MANBA: variants seen among roughly 807,000 people sequenced by gnomAD.
MANBA encodes the protein mannosidase beta.
A neutral mutation model predicts 111.1 loss-of-function variants in MANBA; 83 were observed. That is an observed-to-expected ratio of 0.75 (90% CI 0.63 to 0.90). The LOEUF is 0.90. Ranked by LOEUF, MANBA falls within the 40% of genes least tolerant of loss-of-function variation. The pLI, the probability that MANBA is intolerant of heterozygous loss-of-function variation, is 0.00. For synonymous variants in MANBA, 370 were observed against 378.7 expected (o/e 0.98, Z 0.27); for missense variants, 1,036 against 1,069.0 (o/e 0.97, Z 0.43).
intron 7 of MANBA, among the ~76,000 whole-genome samples, chr4:102,686,316 CT>C (rs968149348): frequency 2.6e-5 from 4 of 152,116 alleles, no homozygotes; most frequent in African/African-American, 9.7e-5. Context: ...TCCACTGTAG[CT>C]TTCCCCCCTT....
chr4:102,710,195 A>C (rs1215840508), intron 5 of MANBA, among the ~76,000 whole-genome samples: 3 of 152,148 alleles, frequency 2.0e-5, no homozygotes, highest in African/African-American at 4.8e-5. Context: ...AAAAGGTACC[A>C]AATTGGAAAA....
At chr4:102,738,144 T>A (rs1723284989) in intron 1 of MANBA, among the ~76,000 whole-genome samples, 1 of 152,100 alleles carries the variant, frequency 6.6e-6, no homozygotes, top group Non-Finnish European at 1.5e-5. Flanking sequence ...ACCAATCAAC[T>A]CAAACTGATA....
intron 12 of MANBA, 162 bp from the exon 13 acceptor site, chr4:102,650,863 C>T: frequency 1.6e-6 from 1 of 635,774 alleles, no homozygotes; most frequent in African/African-American, 1.8e-5. Flanking sequence ...CTACTTGTTG[C>T]CAGTGAAGGA....
intron 5 of MANBA, among the ~76,000 whole-genome samples, chr4:102,713,872 G>T (rs1722199150): frequency 6.7e-6 from 1 of 149,552 alleles, no homozygotes; most frequent in South Asian, 2.1e-4. Flanking sequence ...CTCCAGGCTG[G>T]GCAACAAGAG....
At chr4:102,715,052 C>T (rs1722267182) in intron 4 of MANBA, among the ~76,000 whole-genome samples, 1 of 152,158 alleles carries the variant, frequency 6.6e-6, no homozygotes, top group African/African-American at 2.4e-5. Context: ...CCCCAACCAC[C>T]ATACACAGCC....
At chr4:102,680,154 T>C (rs1391655916) in intron 7 of MANBA, among the ~76,000 whole-genome samples, 1 of 152,214 alleles carries the variant, frequency 6.6e-6, no homozygotes, top group Non-Finnish European at 1.5e-5. Context: ...AATTTGATTC[T>C]TTTTTCTATG....
chr4:102,679,380 T>C (rs1731863720), intron 7 of MANBA, among the ~76,000 whole-genome samples: 1 of 152,146 alleles, frequency 6.6e-6, no homozygotes, highest in African/African-American at 2.4e-5. Flanking sequence ...TGAATAATGA[T>C]AATGTCCAGA....
chr4:102,660,567 C>T (rs1057376859), intron 11 of MANBA, among the ~76,000 whole-genome samples: 6 of 151,762 alleles, frequency 4.0e-5, no homozygotes, highest in Non-Finnish European at 7.4e-5. Flanking sequence ...ATAAGCCTCC[C>T]GCCTCAGCTT....
chr4:102,752,446 C>T (rs1257269234), intron 1 of MANBA: 2 of 793,642 alleles, frequency 2.5e-6, no homozygotes, highest in African/African-American at 3.4e-5. Flanking sequence ...TACCCATGAA[C>T]AGCAACTGAT....
intron 5 of MANBA, among the ~76,000 whole-genome samples, chr4:102,703,683 C>A (rs1183029858): frequency 1.3e-5 from 2 of 152,154 alleles, no homozygotes; most frequent in African/African-American, 4.8e-5. Flanking sequence ...GTTCTGCCAT[C>A]CCACTCAGGA....
At position 102,723,065 on chromosome 4, in the gene MANBA, C is replaced by T. The variant is rs374403355; in HGVS notation, c.379-24G>A. ...CTCTAAGTTAAAGGGAACAATCAGA[C>T]AAACCCATGATGTGGAAGTAGTCTT... On this transcript the variant is annotated intron_variant, in intron 3 of 16. Transcript: ENST00000647097. The T allele has an allele frequency of 7.5e-6, 12 of 1,605,702 alleles. No homozygotes were observed. The African/African-American group carries it at 8.0e-5, about 11-fold the overall frequency.
chr4:102,661,340 G>A (rs1162514200), intron 11 of MANBA, among the ~76,000 whole-genome samples: 3 of 152,006 alleles, frequency 2.0e-5, no homozygotes, highest in African/African-American at 7.2e-5. Context: ...AACTGCCCAA[G>A]GTCTGATAAT....
chr4:102,663,791 T>A (rs1731076902), intron 11 of MANBA, among the ~76,000 whole-genome samples: 1 of 152,228 alleles, frequency 6.6e-6, no homozygotes, highest in Non-Finnish European at 1.5e-5. Flanking sequence ...AACAAAGTTT[T>A]TCAAAAGTTA....
intron 1 of MANBA, among the ~76,000 whole-genome samples, chr4:102,732,058 C>G (rs1403749646): frequency 6.6e-6 from 1 of 152,172 alleles, no homozygotes; most frequent in Non-Finnish European, 1.5e-5. Context: ...CAGGCATGCA[C>G]CACCACACCT....
chr4:102,749,562 C>G (rs566933753), intron 1 of MANBA, among the ~76,000 whole-genome samples: 2 of 152,212 alleles, frequency 1.3e-5, no homozygotes. Context: ...CATTTGTTTA[C>G]TATTTACTGT....
Position 102,687,582 on chromosome 4 carries a change from C to T in MANBA, c.960+1992G>A, listed in dbSNP as rs1732277640. ...AGTCCTTGGGCCTTCACGTTCTTTT[C>T]CCTCCGCCTCTTTGCTACATTACTT... is the stretch of plus-strand genomic sequence containing the variant. On this transcript the variant is annotated intron_variant, in intron 7 of 16. Coordinates refer to ENST00000647097, the MANE Select transcript of MANBA (RefSeq NM_005908.4). 2.6e-5 allele frequency among the ~76,000 whole-genome samples: 4 copies of T among 152,250 alleles called. No individual in the cohort carries two copies. The South Asian group carries it at 8.3e-4, about 32-fold the overall frequency.
intron 1 of MANBA, chr4:102,729,285 G>A (rs1377492905): frequency 1.3e-5 from 10 of 752,912 alleles, no homozygotes; most frequent in African/African-American, 5.1e-5. Flanking sequence ...GGTCATCCTC[G>A]TGCTTCCCAG....
chr4:102,702,514 G>A (rs1733106476), intron 5 of MANBA, among the ~76,000 whole-genome samples: 1 of 152,056 alleles, frequency 6.6e-6, no homozygotes, highest in South Asian at 2.1e-4. Flanking sequence ...TTTGATGATG[G>A]TGATGTACAG....
intron 7 of MANBA, among the ~76,000 whole-genome samples, chr4:102,689,348 C>CA (rs35110858): frequency 0.017 from 2,178 of 130,316 alleles, 24 homozygotes; most frequent in African/African-American, 0.041. Flanking sequence ...GACTCTGTCT[C>CA]AAAAAAAAAA....
Sources: allele counts gnomAD v4.1 joint callset (sites outside exome capture counted in the v4.1 genomes callset), GRCh38; gene constraint gnomAD v4.1.1; transcripts MANE v1.5; gene names NCBI Gene and HGNC (gene_info 2026-07-23, HGNC 2026-07-21).